DRAXIN: variants seen among roughly 807,000 people sequenced by gnomAD.
DRAXIN encodes dorsal repulsive axon guidance protein.
In DRAXIN, 27 loss-of-function variants were observed where a neutral mutation model predicts 33.9. The observed-to-expected ratio is 0.80, with a 90% CI of 0.59 to 1.10. The LOEUF is 1.10. Ranked by LOEUF, DRAXIN falls within the 50% of genes least tolerant of loss-of-function variation. DRAXIN has a pLI of 0.00. For missense variants in DRAXIN, 371 were observed against 460.8 expected, an observed-to-expected ratio of 0.81 and a Z score of 1.78; for synonymous variants, 178 against 194.0, an observed-to-expected ratio of 0.92 and a Z score of 0.69.
chr1:11,693,244 G>A (rs1438719505), intron 1 of DRAXIN, among the ~76,000 whole-genome samples: 1 of 152,020 alleles, frequency 6.6e-6, no homozygotes, highest in Non-Finnish European at 1.5e-5. Flanking sequence ...TGGCTGAGCT[G>A]GTGTTGCCAA....
chr1:11,713,262 G>C (rs1337669060), intron 5 of DRAXIN, among the ~76,000 whole-genome samples: 1 of 152,006 alleles, frequency 6.6e-6, no homozygotes, highest in Non-Finnish European at 1.5e-5. Context: ...GAGCCCCAGA[G>C]AGGCTGTCTT....
At chr1:11,695,381 C>T (rs1427391861) in intron 1 of DRAXIN, among the ~76,000 whole-genome samples, 2 of 151,886 alleles carry the variant, frequency 1.3e-5, no homozygotes, top group Non-Finnish European at 2.9e-5. Context: ...GGGTTCGAGA[C>T]CAGCCTGGCC....
rs760261931 is a variant in DRAXIN at position 11,706,222 on chromosome 1, G to T, written c.-10-27G>T. On this transcript the variant is annotated intron_variant, in intron 1 of 6. Coordinates refer to ENST00000294485, the MANE Select transcript of DRAXIN (RefSeq NM_198545.4). This position sits in a 1 kb window ranked among gnomAD's most constrained non-coding sequence, Gnocchi z 5.5. ...GCAGCAGAGAGAGGCCTGGGGCTGC[G>T]CATTCATGGTGTTGCTCTTCTTGCA... The T allele has an allele frequency of 2.0e-6, 3 of 1,517,802 alleles. No homozygotes were observed. The highest frequency in any genetic ancestry group is 2.7e-6 in the Non-Finnish European group (3 of 1,130,604). 94.0% of individuals were successfully genotyped at this position (1,517,802 alleles called of 1,614,324 possible).
rs1398844156 is a variant in DRAXIN at position 11,725,645 on chromosome 1, T to C, written c.*5949T>C. 6.6e-6 allele frequency: 1 copy of C among 152,146 alleles called. No homozygotes were observed. The highest frequency in any genetic ancestry group is 1.5e-5 in the Non-Finnish European group (1 of 68,030). 9.4% of individuals were successfully genotyped at this position (152,146 alleles called of 1,614,324 possible). On this transcript the variant is annotated 3_prime_UTR_variant, in exon 7 of 7. Transcript: ENST00000294485. ...CCCAAGCCTCCTGGGCTGCAACTGG[T>C]CTTTATTTTTGGAGGCAATGAATGG...
chr1:11,707,371 T>A (rs542715140), intron 2 of DRAXIN, among the ~76,000 whole-genome samples: 1 of 152,318 alleles, frequency 6.6e-6, no homozygotes, highest in South Asian at 2.1e-4. Context: ...CGGTAGGAGC[T>A]AAGAGCCTAG....
intron 1 of DRAXIN, among the ~76,000 whole-genome samples, chr1:11,698,504 T>C (rs984823430): frequency 2.6e-5 from 4 of 152,144 alleles, no homozygotes; most frequent in Non-Finnish European, 4.4e-5. Flanking sequence ...TTTCAGGAAG[T>C]GTCCATGTGA....
Position 11,720,080 on chromosome 1 carries a change from G to C in DRAXIN, c.*384G>C, listed in dbSNP as rs537468143. On this transcript the variant is annotated 3_prime_UTR_variant, in exon 7 of 7. Coordinates refer to ENST00000294485, the MANE Select transcript of DRAXIN (RefSeq NM_198545.4). ...GAAAGAAGGTCCACCATCAGGAGAT[G>C]AATATGGAACATCTCCTATGTACCA... is the stretch of plus-strand genomic sequence containing the variant. The C allele has an allele frequency of 4.1e-6, 1 of 241,190 alleles. No individual in the cohort carries two copies. The highest frequency in any genetic ancestry group is 8.6e-6 in the Non-Finnish European group (1 of 115,730). 14.9% of individuals were successfully genotyped at this position (241,190 alleles called of 1,614,324 possible).
At position 11,709,270 on chromosome 1, in the gene DRAXIN, C is replaced by A. The variant is rs750722962; in HGVS notation, c.452-5C>A. ...AGCCCCCGTGCTCCCCACCCTGTGT[C>A]TCAGGCCGAGCCTTGGTCCGAGGTC... On this transcript the variant is annotated splice_region_variant and splice_polypyrimidine_tract_variant and intron_variant, in intron 2 of 6. Transcript: ENST00000294485. 31 of 1,607,890 alleles carry A rather than the reference C, an allele frequency of 1.9e-5. No homozygotes were observed. The Admixed American group carries it at 5.2e-4, about 27-fold the overall frequency.
At chr1:11,717,256 C>T (rs1255002406) in intron 6 of DRAXIN, among the ~76,000 whole-genome samples, 2 of 151,976 alleles carry the variant, frequency 1.3e-5, no homozygotes. Context: ...GCACTCCAGC[C>T]TGGGTGACTG....
intron 4 of DRAXIN, 30 bp from the exon 5 acceptor site, chr1:11,712,310 G>A (rs777369867): frequency 4.3e-6 from 7 of 1,613,308 alleles, no homozygotes; most frequent in Non-Finnish European, 8.5e-7. Context: ...CTGGGCCCCA[G>A]CTTCTGACGA....
At chr1:11,691,261 G>T (rs1449110669), upstream of DRAXIN, among the ~76,000 whole-genome samples, 27 of 151,996 alleles carry the variant, frequency 1.8e-4, 1 homozygote, top group Admixed American at 1.8e-3. Flanking sequence ...AGCTGAGCGC[G>T]CAGCCTCGCT....
At position 11,719,978 on chromosome 1, in the gene DRAXIN, C is replaced by T; in HGVS notation, c.*282C>T. On this transcript the variant is annotated 3_prime_UTR_variant, in exon 7 of 7. Coordinates refer to ENST00000294485, the MANE Select transcript of DRAXIN (RefSeq NM_198545.4). The stretch of plus-strand genomic sequence containing the variant: ...AATGCCGAGAGTGCCCTCTACTGTC[C>T]GACTCCAGCACTGCAACAGCTTCAA... The T allele has an allele frequency of 2.4e-6, 1 of 415,492 alleles. No individual in the cohort carries two copies. The highest frequency in any genetic ancestry group is 2.9e-5 in the South Asian group (1 of 34,872). The allele number at this position is 415,492 out of a possible 1,614,324, so 25.7% of individuals were successfully genotyped here. A position where few individuals can be genotyped will look rare whatever the true frequency, so the allele number is the denominator to read the frequency against.
upstream of DRAXIN, chr1:11,691,388 CCGCGCCGAGG>C (rs1641062614): frequency 6.6e-6 from 1 of 151,952 alleles, no homozygotes; most frequent in Admixed American, 6.6e-5. Flanking sequence ...GCGCCCTGGG[CCGCGCCGAGG>C]CGGCTCTTAC....
rs1641151767 is a variant in DRAXIN, at chr1:11,694,069, C to T, written c.-11+2216C>T. ...TTTGCTGACCAAGGAGGTCTGATGT[C>T]CTCTCCTGTGGGAAGCACCCCGGCA... On this transcript the variant is annotated intron_variant, in intron 1 of 6. Coordinates refer to ENST00000294485, the MANE Select transcript of DRAXIN (RefSeq NM_198545.4). The surrounding 1 kb of genome is among the most constrained non-coding windows in gnomAD (Gnocchi z 4.9). 6.6e-6 allele frequency among the ~76,000 whole-genome samples: 1 copy of T among 152,146 alleles called. No homozygotes were observed. The highest frequency in any genetic ancestry group is 2.1e-4 in the South Asian group (1 of 4,830).
intron 6 of DRAXIN, among the ~76,000 whole-genome samples, chr1:11,716,535 C>A (rs1419920327): frequency 1.3e-5 from 2 of 152,232 alleles, no homozygotes; most frequent in East Asian, 3.8e-4. Flanking sequence ...CCCCGTTTTG[C>A]TCATATTAGC....
Position 11,722,284 on chromosome 1 carries a change from A to G in DRAXIN, c.*2588A>G, listed in dbSNP as rs1202833979. 1 of 152,298 alleles carries G rather than the reference A, an allele frequency of 6.6e-6. No individual in the cohort carries two copies. Among genetic ancestry groups the G allele is most frequent in the African/African-American group, 2.4e-5 (1 of 41,444 alleles). The allele number at this position is 152,298 out of a possible 1,614,324, so 9.4% of individuals were successfully genotyped here. A position where few individuals can be genotyped will look rare whatever the true frequency, so the allele number is the denominator to read the frequency against. On this transcript the variant is annotated 3_prime_UTR_variant, in exon 7 of 7. Coordinates refer to ENST00000294485, the MANE Select transcript of DRAXIN (RefSeq NM_198545.4). ...AAGGAGTACCGCCGGAAGAAAGCCC[A>G]GCATTACTATGGCTGGGGGACAGCT...
At chr1:11,693,231 G>C (rs1641118278) in intron 1 of DRAXIN, among the ~76,000 whole-genome samples, 1 of 152,044 alleles carries the variant, frequency 6.6e-6, no homozygotes, top group African/African-American at 2.4e-5. Context: ...AATGAGATCA[G>C]TGTGGCTGAG....
intron 1 of DRAXIN, among the ~76,000 whole-genome samples, chr1:11,702,072 A>G (rs547694260): frequency 8.3e-5 from 12 of 144,926 alleles, no homozygotes; most frequent in African/African-American, 3.2e-4. Context: ...ACATACGCTC[A>G]CACATGCTCA....
rs938490154 is a variant in DRAXIN, at chr1:11,715,339, G to C, written c.937+131G>C. ...AGAGGGTGGATCATGGGCCTGCGGC[G>C]GGGGTGTAGGTGGGAGAATCCCTCG... On this transcript the variant is annotated intron_variant, in intron 6 of 6. Coordinates refer to ENST00000294485, the MANE Select transcript of DRAXIN (RefSeq NM_198545.4). The C allele has an allele frequency of 3.6e-6, 4 of 1,102,384 alleles. No individual in the cohort carries two copies. The African/African-American group carries it at 6.2e-5, about 17-fold the overall frequency. The allele number at this position is 1,102,384 out of a possible 1,614,324, so 68.3% of individuals were successfully genotyped here. A position where few individuals can be genotyped will look rare whatever the true frequency, so the allele number is the denominator to read the frequency against.
Sources: allele counts gnomAD v4.1 joint callset (sites outside exome capture counted in the v4.1 genomes callset), GRCh38; gene constraint gnomAD v4.1.1; non-coding constraint Gnocchi (gnomAD v3.1); transcripts MANE v1.5; gene names NCBI Gene and HGNC (gene_info 2026-07-23, HGNC 2026-07-21).